JMJD1C: variants seen among roughly 807,000 people sequenced by gnomAD.
JMJD1C encodes the protein jumonji domain-containing protein 1C.
A neutral mutation model predicts 245.3 loss-of-function variants in JMJD1C; 31 were observed. That is an observed-to-expected ratio of 0.13 (90% CI 0.09 to 0.17). JMJD1C has a LOEUF of 0.17. Ranked by LOEUF, JMJD1C falls within the 10% of genes least tolerant of loss-of-function variation. JMJD1C has a pLI of 1.00. For synonymous variants in JMJD1C, 1,057 were observed against 1,017.4 expected (o/e 1.04, Z -0.74); for missense variants, 2,691 against 3,000.2 (o/e 0.90, Z 2.41).
At chr10:63,404,717 A>G (rs1421949224) in intron 1 of JMJD1C, among the ~76,000 whole-genome samples, 1 of 152,246 alleles carries the variant, frequency 6.6e-6, no homozygotes, top group African/African-American at 2.4e-5. Flanking sequence ...GAGATGTAAA[A>G]CATCTAAAAT....
At chr10:63,498,786 TTAAC>T (rs1204458675) in intron 1 of JMJD1C, among the ~76,000 whole-genome samples, 3 of 152,200 alleles carry the variant, frequency 2.0e-5, no homozygotes, top group Non-Finnish European at 4.4e-5. Flanking sequence ...AGTGTTATTG[TTAAC>T]TAACTATAAC....
chr10:63,437,656 C>A (rs1174257040), intron 1 of JMJD1C, among the ~76,000 whole-genome samples: 1 of 152,158 alleles, frequency 6.6e-6, no homozygotes, highest in Non-Finnish European at 1.5e-5. Flanking sequence ...TTCCCAAATG[C>A]CTTGTCAATA....
At chr10:63,364,651 A>C (rs925163960) in intron 2 of JMJD1C, among the ~76,000 whole-genome samples, 3 of 151,950 alleles carry the variant, frequency 2.0e-5, no homozygotes, top group Non-Finnish European at 2.9e-5. Flanking sequence ...ACACCTGGCT[A>C]ATTTTTTGTA....
intron 3 of JMJD1C, among the ~76,000 whole-genome samples, chr10:63,227,722 A>T (rs1367188799): frequency 6.6e-6 from 1 of 152,234 alleles, no homozygotes; most frequent in East Asian, 1.9e-4. Flanking sequence ...AAGAGTTACC[A>T]TAAAAGCAAT....
intron 1 of JMJD1C, among the ~76,000 whole-genome samples, chr10:63,392,384 A>G (rs1276734813): frequency 6.6e-6 from 1 of 152,210 alleles, no homozygotes; most frequent in South Asian, 2.1e-4. Context: ...ATTAAACTGC[A>G]CAGTTCTGCA....
rs536500944 is a variant in JMJD1C at position 63,366,116 on chromosome 10, G to A, written c.333+14202C>T. On this transcript the variant is annotated intron_variant, in intron 2 of 25. Coordinates refer to ENST00000399262, the MANE Select transcript of JMJD1C (RefSeq NM_032776.3). ...TATGGCTTTGGGCCACAAAGTAATA[G>A]CTGTGACCTCCAGAGAAAGGAATAA... Among the ~76,000 whole-genome samples, 7 of 152,250 alleles carry A rather than the reference G, an allele frequency of 4.6e-5. No homozygotes were observed. In the East Asian group the frequency reaches 1.4e-3, roughly 29 times the overall value.
At chr10:63,427,142 TGGC>T (rs1174002699) in intron 1 of JMJD1C, among the ~76,000 whole-genome samples, 1 of 151,832 alleles carries the variant, frequency 6.6e-6, no homozygotes, top group Non-Finnish European at 1.5e-5. Context: ...GGACAACTCA[TGGC>T]GGTGGCGGCA....
chr10:63,170,543 G>T (rs1842251837), intron 24 of JMJD1C, among the ~76,000 whole-genome samples: 1 of 152,212 alleles, frequency 6.6e-6, no homozygotes, highest in Admixed American at 6.5e-5. Flanking sequence ...ACCTAACAGA[G>T]ATTTCCTTAA....
chr10:63,277,731 C>CTATTTTTTTTTTTTTTT (rs1856943489), intron 2 of JMJD1C, among the ~76,000 whole-genome samples: 1 of 64,262 alleles, frequency 1.6e-5, no homozygotes, highest in Admixed American at 2.3e-4. Flanking sequence ...ATTTGCATTT[C>CTATTTTTTTTTTTTTTT]TTTTTTTTTT....
intron 2 of JMJD1C, among the ~76,000 whole-genome samples, chr10:63,335,931 G>T (rs1022062669): frequency 1.3e-5 from 2 of 151,848 alleles, no homozygotes; most frequent in African/African-American, 2.4e-5. Context: ...GAACAGCCTG[G>T]GCAACATGGT....
chr10:63,316,460 T>C (rs968977101), intron 2 of JMJD1C, among the ~76,000 whole-genome samples: 1 of 152,198 alleles, frequency 6.6e-6, no homozygotes, highest in Non-Finnish European at 1.5e-5. Context: ...ATAATATTCA[T>C]ACTTTCTGAG....
intron 2 of JMJD1C, among the ~76,000 whole-genome samples, chr10:63,286,585 T>G (rs1002819562): frequency 1.3e-5 from 2 of 152,306 alleles, no homozygotes; most frequent in Admixed American, 6.5e-5. Flanking sequence ...GAGCTTACAT[T>G]GGAAAGCTGC....
chr10:63,213,444 G>T, intron 8 of JMJD1C, 29 bp downstream of exon 8: 1 of 1,301,906 alleles, frequency 7.7e-7, no homozygotes, highest in Non-Finnish European at 1.1e-6. Flanking sequence ...AATATATACT[G>T]CTATGTGGCA....
At chr10:63,432,657 C>A (rs9663557) in intron 1 of JMJD1C, among the ~76,000 whole-genome samples, 22,592 of 152,192 alleles carry the variant, frequency 0.15, 3,925 homozygotes, top group African/African-American at 0.42. Context: ...AGAAGGAAAA[C>A]CTTATCTATT....
Position 63,215,562 on chromosome 10 carries a change from G to A in JMJD1C, c.813C>T (p.Asn271=), listed in dbSNP as rs761545891. ...RRRSRANQNV[N]AVHSHYTRAQ... ...CTAATAACATACATACGTGAACAGC[G>A]TTGACGTTTTGATTGGCACGAGACC... Residue 271 remains asparagine (N), a synonymous_variant, in exon 6 of 26, where the codon AAC becomes AAT. Coordinates refer to ENST00000399262, the MANE Select transcript of JMJD1C (RefSeq NM_032776.3). The A allele has an allele frequency of 9.9e-6, 16 of 1,609,216 alleles. No homozygotes were observed. Among genetic ancestry groups the A allele is most frequent in the East Asian group, 2.2e-5 (1 of 44,758 alleles).
intron 1 of JMJD1C, among the ~76,000 whole-genome samples, chr10:63,441,116 A>C (rs931094727): frequency 7.2e-5 from 11 of 152,208 alleles, no homozygotes; most frequent in Admixed American, 2.0e-4. Context: ...AAACAGAAAA[A>C]GGCCGTGTGT....
intron 2 of JMJD1C, among the ~76,000 whole-genome samples, chr10:63,308,197 A>AT (rs1370894486): frequency 6.6e-6 from 1 of 152,130 alleles, no homozygotes; most frequent in Non-Finnish European, 1.5e-5. Flanking sequence ...ATGCATACTA[A>AT]TATCTAACGA....
chr10:63,198,467 C>A, intron 12 of JMJD1C, 46 bp downstream of exon 12: 2 of 1,185,762 alleles, frequency 1.7e-6, no homozygotes, highest in Non-Finnish European at 2.4e-6. Context: ...AAGAGAAATT[C>A]TTAAAATGAA....
chr10:63,242,689 G>A (rs2133523008), intron 3 of JMJD1C, among the ~76,000 whole-genome samples: 1 of 152,282 alleles, frequency 6.6e-6, no homozygotes, highest in Middle Eastern at 3.4e-3. Context: ...CCACGCCACT[G>A]CACTCCAGCC....
Sources: allele counts gnomAD v4.1 joint callset (sites outside exome capture counted in the v4.1 genomes callset), GRCh38; gene constraint gnomAD v4.1.1; transcripts MANE v1.5; gene names NCBI Gene and HGNC (gene_info 2026-07-23, HGNC 2026-07-21).